CHD2: variants seen among roughly 807,000 people sequenced by gnomAD.
CHD2 encodes ATP-dependent chromatin remodeler CHD2.
A neutral mutation model predicts 243.9 loss-of-function variants in CHD2; 28 were observed. The ratio of observed to expected loss-of-function variants is 0.11; its 90% CI spans 0.09 to 0.16. CHD2 has a LOEUF of 0.16. Among genes scored for constraint, CHD2 ranks in the 10% least tolerant of loss-of-function variants. The probability of loss-of-function intolerance (pLI) is 1.00; values close to 1 mark genes in which losing one functional copy is unlikely to be tolerated. For missense variants in CHD2, 1,386 were observed against 2,209.8 expected, an observed-to-expected ratio of 0.63 and a Z score of 7.47; for synonymous variants, 775 against 779.0, an observed-to-expected ratio of 0.99 and a Z score of 0.09.
chr15:92,948,984 A>G lies in CHD2; in HGVS notation c.1410A>G (p.Leu470=). 6.2e-7 allele frequency: 1 copy of G among 1,614,048 alleles called. No individual in the cohort carries two copies. Among genetic ancestry groups the G allele is most frequent in the Non-Finnish European group, 8.5e-7 (1 of 1,179,994 alleles). The change falls in exon 13 of 39, where the codon TTA becomes TTG. Residue 470 remains leucine (L), a synonymous_variant. Transcript: ENST00000394196. ...AGCAGAGACCACGATTTGTAGCTTT[A>G]AAGAAACAACCTGCATATTTAGGAG... ...ALKQRPRFVA[L]KKQPAYLGGE... is the part of the protein sequence containing the mutation.
chr15:92,981,620 G>C lies in CHD2; in HGVS notation c.3066+163G>C, dbSNP rs17610360. 0.064 allele frequency among the ~76,000 whole-genome samples: 9,738 copies of C among 152,236 alleles called. 447 individuals carry two copies. The highest frequency in any genetic ancestry group is 0.12 in the South Asian group (557 of 4,826). On this transcript the variant is annotated intron_variant, in intron 24 of 38. Transcript: ENST00000394196. ...GAATTGTGAGTATGTTGTGAATGTAGGTTCTACAGTCCGCACGAAGGTAAT... is the reference window on the plus strand; with the variant it reads ...GAATTGTGAGTATGTTGTGAATGTACGTTCTACAGTCCGCACGAAGGTAAT...
At chr15:92,922,890 T>C (rs1360071422) in intron 2 of CHD2, among the ~76,000 whole-genome samples, 1 of 152,206 alleles carries the variant, frequency 6.6e-6, no homozygotes, top group Non-Finnish European at 1.5e-5. Context: ...ATTGATACTC[T>C]ATCACCCCTC....
chr15:93,016,859 A>G (rs1203392071), intron 37 of CHD2, among the ~76,000 whole-genome samples: 2 of 151,962 alleles, frequency 1.3e-5, no homozygotes, highest in Non-Finnish European at 2.9e-5. Context: ...ATTTGATTAG[A>G]AAAAAACTCT....
At chr15:92,940,839 A>T (rs1042963190) in intron 7 of CHD2, among the ~76,000 whole-genome samples, 190 of 137,930 alleles carry the variant, frequency 1.4e-3, no homozygotes, top group African/African-American at 4.6e-3. Flanking sequence ...TAAATATATA[A>T]AAATATATAT....
intron 5 of CHD2, among the ~76,000 whole-genome samples, chr15:92,936,140 TC>T (rs1174984754): frequency 6.6e-6 from 1 of 152,134 alleles, no homozygotes; most frequent in Admixed American, 6.6e-5. Flanking sequence ...TGTTGTTTTT[TC>T]CCCCTAAGGT....
chr15:92,912,680 C>T (rs936427796), intron 2 of CHD2, among the ~76,000 whole-genome samples: 29 of 152,120 alleles, frequency 1.9e-4, no homozygotes, highest in Admixed American at 1.3e-4. Flanking sequence ...ACCACAGGTG[C>T]CCGCCACCAC....
rs1276545339 is a variant in CHD2 at position 92,985,486 on chromosome 15, G to A, written c.3238-12G>A. 6.2e-7 allele frequency: 1 copy of A among 1,601,790 alleles called. No individual in the cohort carries two copies. The highest frequency in any genetic ancestry group is 8.5e-7 in the Non-Finnish European group (1 of 1,171,872). On this transcript the variant is annotated splice_polypyrimidine_tract_variant and intron_variant, in intron 25 of 38. Coordinates refer to ENST00000394196, the MANE Select transcript of CHD2 (RefSeq NM_001271.4). ...ACTTGTTACAGTGTGACTTTGCCTC[G>A]ATCTTTCTCAGGCTCAGACAAATGA...
chr15:92,919,264 C>G (rs1186121314), intron 2 of CHD2, among the ~76,000 whole-genome samples: 1 of 151,686 alleles, frequency 6.6e-6, no homozygotes, highest in East Asian at 1.9e-4. Flanking sequence ...GTGATTATTC[C>G]TCTTACGAGA....
intron 37 of CHD2, among the ~76,000 whole-genome samples, chr15:93,016,667 A>T (rs1302483818): frequency 6.6e-6 from 1 of 151,038 alleles, no homozygotes; most frequent in Non-Finnish European, 1.5e-5. Flanking sequence ...TAGTAGTCCC[A>T]GCTACTTGGG....
intron 17 of CHD2, among the ~76,000 whole-genome samples, chr15:92,969,599 C>T (rs963640731): frequency 1.3e-5 from 2 of 152,138 alleles, no homozygotes; most frequent in African/African-American, 2.4e-5. Flanking sequence ...GTGCTCTTTG[C>T]AACTGCAACA....
At chr15:92,963,433 G>T (rs1287289163) in intron 16 of CHD2, among the ~76,000 whole-genome samples, 1 of 152,158 alleles carries the variant, frequency 6.6e-6, no homozygotes, top group African/African-American at 2.4e-5. Flanking sequence ...TTGCCCCGCT[G>T]TAGCTCCATT....
chr15:92,933,012 G>A (rs1028838559), intron 5 of CHD2, among the ~76,000 whole-genome samples: 1 of 151,254 alleles, frequency 6.6e-6, no homozygotes, highest in African/African-American at 2.4e-5. Flanking sequence ...CTAAGTGCTG[G>A]GCTTATAAGA....
At chr15:92,944,189 GTA>G in intron 9 of CHD2, 1 of 327,922 alleles carries the variant, frequency 3.0e-6, no homozygotes. Context: ...CAGGTAACTG[GTA>G]TATCCTTCTA....
At chr15:92,975,958 G>A (rs1281096949) in intron 20 of CHD2, among the ~76,000 whole-genome samples, 1 of 152,056 alleles carries the variant, frequency 6.6e-6, no homozygotes, top group African/African-American at 2.4e-5. Flanking sequence ...CTTGCTCCTT[G>A]TTTCCTCAGC....
intron 3 of CHD2, among the ~76,000 whole-genome samples, chr15:92,926,380 A>G (rs1048676236): frequency 2.6e-5 from 4 of 152,170 alleles, no homozygotes; most frequent in East Asian, 1.9e-4. Context: ...TTGATAACCC[A>G]TATTTCTCAT....
chr15:92,968,618 T>C (rs8026638), intron 17 of CHD2, among the ~76,000 whole-genome samples: 118,233 of 152,178 alleles, frequency 0.78, 47,135 homozygotes, highest in East Asian at 1. Context: ...TGGAATACTT[T>C]TATAAAAAGA....
chr15:92,922,074 C>T (rs1299938257), intron 2 of CHD2, among the ~76,000 whole-genome samples: 2 of 152,118 alleles, frequency 1.3e-5, no homozygotes, highest in Non-Finnish European at 2.9e-5. Context: ...TACAAGGAAG[C>T]CTGTTTTGGG....
chr15:92,969,839 TCTCA>T lies in CHD2; in HGVS notation c.2190-1922_2190-1919del, dbSNP rs572358141. 5.2e-4 allele frequency among the ~76,000 whole-genome samples: 76 copies of T among 145,354 alleles called. No homozygotes were observed. In the South Asian group the frequency reaches 0.016, roughly 30 times the overall value. On this transcript the variant is annotated intron_variant, in intron 17 of 38. Coordinates refer to ENST00000394196, the MANE Select transcript of CHD2 (RefSeq NM_001271.4). ...TTTTTTTTTTTTTTTTGAGACGGAG[TCTCA>T]CTCTGTTACCCAGGCTGGAGTGTAG...
chr15:92,965,913 G>C lies in CHD2; in HGVS notation c.2001-1412G>C, dbSNP rs76720984. 7.9e-4 allele frequency among the ~76,000 whole-genome samples: 121 copies of C among 152,234 alleles called. 1 individual carries two copies. The East Asian group carries it at 0.022, about 27-fold the overall frequency. ...ATTATAACATGTGTTAGGTAAATTA[G>C]CTTATTGAAATTGTCTCTCAGGTAT... On this transcript the variant is annotated intron_variant, in intron 16 of 38. Transcript: ENST00000394196.
Sources: allele counts gnomAD v4.1 joint callset (sites outside exome capture counted in the v4.1 genomes callset), GRCh38; gene constraint gnomAD v4.1.1; transcripts MANE v1.5; gene names NCBI Gene and HGNC (gene_info 2026-07-23, HGNC 2026-07-21).